The following IGF1R variants were observed in gnomAD, a reference collection of about 807,000 sequenced individuals.
IGF1R encodes insulin-like growth factor 1 receptor.
A neutral mutation model predicts 144.6 loss-of-function variants in IGF1R; 44 were observed. The observed-to-expected ratio is 0.30, with a 90% CI of 0.24 to 0.39. IGF1R has a LOEUF of 0.39. Ranked by LOEUF, IGF1R falls within the 10% of genes least tolerant of loss-of-function variation. IGF1R has a pLI of 1.00. For synonymous variants in IGF1R, 795 were observed against 722.8 expected (o/e 1.10, Z -1.60); for missense variants, 1,355 against 1,833.7 (o/e 0.74, Z 4.77).
intron 2 of IGF1R, among the ~76,000 whole-genome samples, chr15:98,795,716 T>C (rs2056226286): frequency 6.6e-6 from 1 of 152,212 alleles, no homozygotes; most frequent in African/African-American, 2.4e-5. Flanking sequence ...GCGCCTATTA[T>C]GTGTTTCTTA....
chr15:98,678,687 AT>A (rs371172561), intron 1 of IGF1R, among the ~76,000 whole-genome samples: 63 of 150,818 alleles, frequency 4.2e-4, no homozygotes, highest in African/African-American at 1.5e-3. Context: ...CTAATTTTTT[AT>A]TTTTTTTGTA....
At chr15:98,909,261 C>CTTTTTTTTTTTTTTTTTTTTTTTTTTT (rs752298130) in intron 6 of IGF1R, among the ~76,000 whole-genome samples, 3 of 91,756 alleles carry the variant, frequency 3.3e-5, no homozygotes, top group East Asian at 3.4e-4. Context: ...CTTTTTTTTT[C>CTTTTTTTTTTTTTTTTTTTTTTTTTTT]TTTTTTTTTT....
intron 2 of IGF1R, among the ~76,000 whole-genome samples, chr15:98,771,332 A>G (rs1264920229): frequency 6.6e-6 from 1 of 152,112 alleles, no homozygotes; most frequent in African/African-American, 2.4e-5. Flanking sequence ...GTTTTCCTGT[A>G]CATTGTCTTC....
intron 2 of IGF1R, among the ~76,000 whole-genome samples, chr15:98,808,757 G>A (rs1374293682): frequency 1.3e-5 from 2 of 150,662 alleles, no homozygotes; most frequent in Non-Finnish European, 2.9e-5. Flanking sequence ...ATAGCCCACT[G>A]CAAGCTCAAA....
chr15:98,750,564 C>G (rs2054985249), intron 2 of IGF1R, among the ~76,000 whole-genome samples: 1 of 152,172 alleles, frequency 6.6e-6, no homozygotes, highest in South Asian at 2.1e-4. Context: ...TGGCTCATGC[C>G]TGTAATCCCA....
chr15:98,666,138 A>G (rs898980379), intron 1 of IGF1R, among the ~76,000 whole-genome samples: 5 of 152,210 alleles, frequency 3.3e-5, no homozygotes, highest in African/African-American at 1.2e-4. Flanking sequence ...GTCACTAGTC[A>G]TTGGTGAAAT....
chr15:98,829,199 A>C (rs2056955984), intron 2 of IGF1R, among the ~76,000 whole-genome samples: 1 of 152,212 alleles, frequency 6.6e-6, no homozygotes, highest in African/African-American at 2.4e-5. Context: ...GAATGGCAGA[A>C]GACTATTTTT....
Position 98,707,543 on chromosome 15 carries a change from C to A in IGF1R, c.95-19C>A, listed in dbSNP as rs754690558. 4 of 1,613,192 alleles carry A rather than the reference C, an allele frequency of 2.5e-6. No homozygotes were observed. Among genetic ancestry groups the A allele is most frequent in the Non-Finnish European group, 3.4e-6 (4 of 1,179,200 alleles). On this transcript the variant is annotated intron_variant, in intron 1 of 20. Coordinates refer to ENST00000650285, the MANE Select transcript of IGF1R (RefSeq NM_000875.5). The surrounding 1 kb of genome is among the most constrained non-coding windows in gnomAD (Gnocchi z 6.7). ...TATTTCCTTCTAACTGAGACGTTTA[C>A]CCTCTTGTCTCCCTTCAGTCTGCGG...
At chr15:98,927,239 C>G (rs1281148399) in intron 13 of IGF1R, among the ~76,000 whole-genome samples, 1 of 152,264 alleles carries the variant, frequency 6.6e-6, no homozygotes, top group East Asian at 1.9e-4. Context: ...GAAATTTTTC[C>G]TTATGTCAGA....
intron 5 of IGF1R, among the ~76,000 whole-genome samples, chr15:98,902,330 TC>T (rs909998616): frequency 3.3e-5 from 5 of 152,196 alleles, no homozygotes; most frequent in African/African-American, 1.2e-4. Flanking sequence ...CGGTTTTTTT[TC>T]CTAAATATTT....
chr15:98,755,598 G>A (rs532681927), intron 2 of IGF1R, among the ~76,000 whole-genome samples: 24 of 151,660 alleles, frequency 1.6e-4, no homozygotes, highest in Non-Finnish European at 3.4e-4. Context: ...AAAATTAGCT[G>A]GGCGTGGTGG....
chr15:98,768,735 C>T (rs1436158499), intron 2 of IGF1R, among the ~76,000 whole-genome samples: 9 of 107,556 alleles, frequency 8.4e-5, no homozygotes, highest in African/African-American at 2.7e-4. Context: ...CTGGCTAACA[C>T]GGTGAAACCC....
intron 2 of IGF1R, among the ~76,000 whole-genome samples, chr15:98,739,205 G>C (rs1456637943): frequency 6.6e-6 from 1 of 152,182 alleles, no homozygotes; most frequent in African/African-American, 2.4e-5. Flanking sequence ...AAACATCCAG[G>C]AAGTGGTGGT....
chr15:98,916,261 GT>G (rs34536372), intron 9 of IGF1R, 130 bp downstream of exon 9: 33,620 of 546,410 alleles, frequency 0.062, no homozygotes, highest in Middle Eastern at 0.093. Context: ...CTATCTTCTG[GT>G]TTTTTTTTTT....
chr15:98,718,030 T>C (rs905245783), intron 2 of IGF1R, among the ~76,000 whole-genome samples: 5 of 152,158 alleles, frequency 3.3e-5, no homozygotes, highest in Non-Finnish European at 7.4e-5. Context: ...TCTCCTGTTT[T>C]GTTTAGTTTC....
At chr15:98,922,492 G>T (rs1357522728) in intron 11 of IGF1R, 61 bp downstream of exon 11, 4 of 1,581,260 alleles carry the variant, frequency 2.5e-6, no homozygotes, top group Non-Finnish European at 3.4e-6. Flanking sequence ...GAGAAGATGT[G>T]TTTTATGGAC....
intron 2 of IGF1R, among the ~76,000 whole-genome samples, chr15:98,721,097 C>G (rs2054236222): frequency 6.6e-6 from 1 of 152,172 alleles, no homozygotes; most frequent in Non-Finnish European, 1.5e-5. Flanking sequence ...TGAGCTCTAG[C>G]TGGAGCAGAC....
intron 1 of IGF1R, among the ~76,000 whole-genome samples, chr15:98,672,669 A>G (rs2052926851): frequency 6.6e-6 from 1 of 151,976 alleles, no homozygotes; most frequent in Admixed American, 6.6e-5. Flanking sequence ...ATTTGTGATG[A>G]GAGTCATAAG....
chr15:98,678,273 C>T (rs2053097685), intron 1 of IGF1R, among the ~76,000 whole-genome samples: 1 of 152,156 alleles, frequency 6.6e-6, no homozygotes, highest in Admixed American at 6.5e-5. Context: ...GGTTTGCTAA[C>T]ATATTCAGAT....
Sources: allele counts gnomAD v4.1 joint callset (sites outside exome capture counted in the v4.1 genomes callset), GRCh38; gene constraint gnomAD v4.1.1; non-coding constraint Gnocchi (gnomAD v3.1); transcripts MANE v1.5; gene names NCBI Gene and HGNC (gene_info 2026-07-23, HGNC 2026-07-21).